Variants in UVRAG observed in about 807,000 individuals in gnomAD.
UVRAG encodes UV radiation resistance-associated gene protein.
UVRAG carries 19 observed loss-of-function variants against 78.0 expected under a neutral mutation model. The ratio of observed to expected loss-of-function variants is 0.24; its 90% CI spans 0.17 to 0.36. UVRAG has a LOEUF of 0.36. Ranked by LOEUF, UVRAG falls within the 10% of genes least tolerant of loss-of-function variation. The pLI is 1.00. For synonymous variants in UVRAG, 323 were observed against 324.6 expected, an observed-to-expected ratio of 1.00 and a Z score of 0.05; for missense variants, 740 against 853.8, an observed-to-expected ratio of 0.87 and a Z score of 1.66.
Position 76,113,367 on chromosome 11 carries a change from T to C in UVRAG, c.1306-2557T>C, listed in dbSNP as rs1952117331. The stretch of plus-strand genomic sequence containing the variant: ...TGAGAGCAAAGTGGTATAAGAGTGC[T>C]AAATTCTCTTCTTTCATGGTGGGAG... On this transcript the variant is annotated intron_variant, in intron 13 of 14. Coordinates refer to ENST00000356136, the MANE Select transcript of UVRAG (RefSeq NM_003369.4). Among the ~76,000 whole-genome samples the C allele has an allele frequency of 5.3e-5, 8 of 152,064 alleles. No individual in the cohort carries two copies. The South Asian group carries it at 1.5e-3, about 28-fold the overall frequency.
At position 75,840,448 on chromosome 11, in the gene UVRAG, G is replaced by T. The variant is rs770024996; in HGVS notation, c.118-11435G>T. Among the ~76,000 whole-genome samples the T allele has an allele frequency of 5.9e-5, 9 of 152,212 alleles. 1 individual carries two copies. The highest frequency in any genetic ancestry group is 1.0e-4 in the Non-Finnish European group (7 of 68,004). On this transcript the variant is annotated intron_variant, in intron 1 of 14. Transcript: ENST00000356136. ...GGCAAGTTTTGGGGCCTTTCACCAA[G>T]TTTGGGGGTAAATAGGGTAGAAATA...
chr11:76,072,939 C>T (rs1354414882), intron 13 of UVRAG, among the ~76,000 whole-genome samples: 1 of 152,108 alleles, frequency 6.6e-6, no homozygotes, highest in Non-Finnish European at 1.5e-5. Context: ...CATAATAATA[C>T]TAAGACATTT....
At chr11:75,912,138 T>C in intron 6 of UVRAG, 99 bp downstream of exon 6, 2 of 869,654 alleles carry the variant, frequency 2.3e-6, no homozygotes, top group Non-Finnish European at 3.7e-6. Context: ...CTTTAGAGGC[T>C]GTTATTCAAG....
At chr11:76,023,764 A>G (rs1368754899) in intron 12 of UVRAG, among the ~76,000 whole-genome samples, 3 of 152,126 alleles carry the variant, frequency 2.0e-5, no homozygotes, top group Non-Finnish European at 4.4e-5. Flanking sequence ...TTTTTTCTTG[A>G]TTTAATGTTC....
At chr11:75,923,260 A>G (rs1480123304) in intron 6 of UVRAG, among the ~76,000 whole-genome samples, 1 of 152,090 alleles carries the variant, frequency 6.6e-6, no homozygotes, top group Non-Finnish European at 1.5e-5. Flanking sequence ...GTAATAAGGT[A>G]TGTGGATTTC....
chr11:76,125,877 C>A (rs1298659546), intron 14 of UVRAG, among the ~76,000 whole-genome samples: 1 of 151,988 alleles, frequency 6.6e-6, no homozygotes, highest in Admixed American at 6.5e-5. Flanking sequence ...TCAGATCTTA[C>A]CATCTGTACC....
intron 12 of UVRAG, among the ~76,000 whole-genome samples, chr11:76,020,630 A>G (rs1008540766): frequency 6.7e-6 from 1 of 148,836 alleles, no homozygotes. Flanking sequence ...CCTTCTCCCA[A>G]CAAGCAGAAA....
At chr11:75,890,080 A>G (rs573564170) in intron 5 of UVRAG, among the ~76,000 whole-genome samples, 1 of 152,332 alleles carries the variant, frequency 6.6e-6, no homozygotes, top group East Asian at 1.9e-4. Context: ...GACTAAAGGA[A>G]GGTCAGAGTG....
At chr11:76,064,722 A>G (rs1219863195) in intron 12 of UVRAG, among the ~76,000 whole-genome samples, 3 of 152,214 alleles carry the variant, frequency 2.0e-5, no homozygotes, top group African/African-American at 7.2e-5. Flanking sequence ...TTCTCTAGAA[A>G]ATAATATCCT....
chr11:76,137,315 C>T, intron 14 of UVRAG: 1 of 455,510 alleles, frequency 2.2e-6, no homozygotes, highest in Non-Finnish European at 4.4e-6. Flanking sequence ...CCAGGCTTAC[C>T]TCCAGACCTG....
intron 12 of UVRAG, among the ~76,000 whole-genome samples, chr11:76,060,769 C>G (rs1465645478): frequency 1.3e-5 from 2 of 152,214 alleles, no homozygotes; most frequent in African/African-American, 4.8e-5. Context: ...GCGCTGCACT[C>G]GATTTCTCGC....
chr11:75,961,454 G>T lies in UVRAG; in HGVS notation c.604G>T (p.Ala202Ser). Reference protein sequence around the residue: ...DVFSLLRLHRAQCAIKQTQVT... With the variant: ...DVFSLLRLHRSQCAIKQTQVT... ...AACTTATATTTCTAGGCTTCATAGA[G>T]CCCAGTGTGCAATTAAACAGACTCA... Residue 202 changes from alanine (A) to serine (S), a missense_variant, in exon 7 of 15, where the codon GCC becomes TCC. Coordinates refer to ENST00000356136, the MANE Select transcript of UVRAG (RefSeq NM_003369.4). The T allele has an allele frequency of 6.3e-7, 1 of 1,593,524 alleles. No individual in the cohort carries two copies. The highest frequency in any genetic ancestry group is 1.2e-5 in the South Asian group (1 of 86,558).
intron 13 of UVRAG, among the ~76,000 whole-genome samples, chr11:76,093,652 C>G (rs1306619386): frequency 6.6e-6 from 1 of 152,028 alleles, no homozygotes; most frequent in Non-Finnish European, 1.5e-5. Context: ...TGTTTTGGCT[C>G]TTTGTTTGTC....
intron 5 of UVRAG, among the ~76,000 whole-genome samples, chr11:75,904,284 A>G (rs1232777636): frequency 6.6e-6 from 1 of 152,202 alleles, no homozygotes; most frequent in Non-Finnish European, 1.5e-5. Context: ...ACTTGTTACT[A>G]TTCTGTTCCT....
intron 5 of UVRAG, among the ~76,000 whole-genome samples, chr11:75,893,107 G>A (rs1429055255): frequency 6.6e-6 from 1 of 151,900 alleles, no homozygotes; most frequent in Non-Finnish European, 1.5e-5. Context: ...AACCCAGGAG[G>A]TGGAGGTTGC....
At chr11:76,031,149 A>G (rs1437151704) in intron 12 of UVRAG, among the ~76,000 whole-genome samples, 1 of 152,126 alleles carries the variant, frequency 6.6e-6, no homozygotes, top group Non-Finnish European at 1.5e-5. Context: ...GGCCAGGACA[A>G]TCATTATTTC....
chr11:75,819,658 A>G (rs558070556), intron 1 of UVRAG, among the ~76,000 whole-genome samples: 5 of 151,738 alleles, frequency 3.3e-5, no homozygotes, highest in Non-Finnish European at 5.9e-5. Flanking sequence ...AAAACAAACT[A>G]TTTTTTAGAA....
chr11:76,139,438 C>T (rs564705535), intron 14 of UVRAG, among the ~76,000 whole-genome samples: 3 of 152,324 alleles, frequency 2.0e-5, no homozygotes, highest in African/African-American at 7.2e-5. Context: ...TGTCTCCCTA[C>T]CCCAAGGCCA....
intron 8 of UVRAG, among the ~76,000 whole-genome samples, chr11:75,989,475 C>T (rs767478159): frequency 2.0e-5 from 3 of 152,164 alleles, no homozygotes; most frequent in African/African-American, 4.8e-5. Flanking sequence ...AATCATTATA[C>T]TAGGCTGCCT....
Sources: gnomAD v4.1 joint callset for allele counts (sites outside exome capture counted in the v4.1 genomes callset) on GRCh38, gnomAD v4.1.1 for gene constraint, MANE v1.5 for transcripts, NCBI Gene and HGNC (gene_info 2026-07-23, HGNC 2026-07-21) for gene names.